Variants in PIK3CG observed in about 807,000 individuals in gnomAD.
The protein encoded by PIK3CG is phosphatidylinositol-4,5-bisphosphate 3-kinase catalytic subunit gamma.
PIK3CG carries 55 observed loss-of-function variants against 102.3 expected under a neutral mutation model. The ratio of observed to expected loss-of-function variants is 0.54; its 90% confidence interval spans 0.43 to 0.67. PIK3CG has a LOEUF of 0.67. PIK3CG is among the 30% of genes least tolerant of loss of function. PIK3CG has a pLI of 0.00. For synonymous variants in PIK3CG, 552 were observed against 540.0 expected (o/e 1.02, Z -0.31); for missense variants, 1,258 against 1,391.8 (o/e 0.90, Z 1.53).
At position 106,867,223 on chromosome 7, in the gene PIK3CG, T is replaced by C. The variant is rs528400846; in HGVS notation, c.-12-327T>C. Among the ~76,000 whole-genome samples, 6 of 152,328 alleles carry C rather than the reference T, an allele frequency of 3.9e-5. No individual in the cohort carries two copies. The East Asian group carries it at 5.8e-4, about 15-fold the overall frequency. ...GTAGAACGACCAATAAGCCCCCATA[T>C]ACCTGTCACCCATATTGAACAAGTA... On this transcript the variant is annotated intron_variant, in intron 1 of 10. Coordinates refer to ENST00000496166, the MANE Select transcript of PIK3CG (RefSeq NM_001282426.2). This position sits in a 1 kb window ranked among gnomAD's most constrained non-coding sequence, Gnocchi z 5.1.
chr7:106,882,975 T>C (rs2116542696), intron 7 of PIK3CG, 58 bp from the exon 8 acceptor site: 1 of 1,387,356 alleles, frequency 7.2e-7, no homozygotes. Flanking sequence ...TAGCCTTTCC[T>C]CCTCTGGGCC....
rs969711128 is a variant in PIK3CG at position 106,902,351 on chromosome 7, T to C, written c.3031-2758T>C. ...GCTGGAGGTGTAAAATCACCCTTTC[T>C]AGGTGTACAGTTCTGTGAATTTTGA... On this transcript the variant is annotated intron_variant, in intron 10 of 10. Transcript: ENST00000496166. This position sits in a 1 kb window ranked among gnomAD's most constrained non-coding sequence, Gnocchi z 4.3. Among the ~76,000 whole-genome samples the C allele has an allele frequency of 6.6e-6, 1 of 152,196 alleles. No individual in the cohort carries two copies. Among genetic ancestry groups the C allele is most frequent in the African/African-American group, 2.4e-5 (1 of 41,442 alleles).
At position 106,884,530 on chromosome 7, in the gene PIK3CG, A is replaced by G. The variant is rs1158749150; in HGVS notation, c.2872+264A>G. On this transcript the variant is annotated intron_variant, in intron 9 of 10. Transcript: ENST00000496166. This position sits in a 1 kb window ranked among gnomAD's most constrained non-coding sequence, Gnocchi z 4.2. ...TTTAAATGGAGTTTAAGACTGGAGC[A>G]CATATTTAGAAGTCATTGTGTAGGG... Among the ~76,000 whole-genome samples the G allele has an allele frequency of 6.6e-6, 1 of 152,134 alleles. No individual in the cohort carries two copies. The highest frequency in any genetic ancestry group is 1.5e-5 in the Non-Finnish European group (1 of 68,012).
rs6943554 is a variant in PIK3CG, at chr7:106,890,086, T to C, written c.3030+3794T>C. On this transcript the variant is annotated intron_variant, in intron 10 of 10. Transcript: ENST00000496166. The surrounding 1 kb of genome is among the most constrained non-coding windows in gnomAD (Gnocchi z 4.2). Reference sequence around the variant, plus strand: ...TATTTTAAATTTCACTGAACAGTTATAGAATATATATAATAAACAAATGTA... The same window carrying C: ...TATTTTAAATTTCACTGAACAGTTACAGAATATATATAATAAACAAATGTA... 0.081 allele frequency among the ~76,000 whole-genome samples: 12,393 copies of C among 152,350 alleles called. 581 individuals are homozygous for C. Among genetic ancestry groups the C allele is most frequent in the Middle Eastern group, 0.13 (37 of 294 alleles).
At chr7:106,898,675 G>T (rs73186298) in intron 10 of PIK3CG, among the ~76,000 whole-genome samples, 1,635 of 152,280 alleles carry the variant, frequency 0.011, 5 homozygotes, top group Middle Eastern at 0.054. Flanking sequence ...CTTTGTCAAA[G>T]ATTAGACAGT....
Position 106,895,986 on chromosome 7 carries a change from C to T in PIK3CG, c.3031-9123C>T, listed in dbSNP as rs1247880412. On this transcript the variant is annotated intron_variant, in intron 10 of 10. Coordinates refer to ENST00000496166, the MANE Select transcript of PIK3CG (RefSeq NM_001282426.2). This position sits in a 1 kb window ranked among gnomAD's most constrained non-coding sequence, Gnocchi z 5.4. ...ACCAAGTCTCTAAGTGTGTACAGCCCATCAGAATCTCGACACTGTGTTTGA... is the reference window on the plus strand; with the variant it reads ...ACCAAGTCTCTAAGTGTGTACAGCCTATCAGAATCTCGACACTGTGTTTGA... Among the ~76,000 whole-genome samples, 1 of 152,156 alleles carries T rather than the reference C, an allele frequency of 6.6e-6. No homozygotes were observed. The highest frequency in any genetic ancestry group is 1.5e-5 in the Non-Finnish European group (1 of 68,034).
rs549170953 is a variant in PIK3CG, at chr7:106,868,692, C to T, written c.1131C>T (p.Thr377=). The stretch of plus-strand genomic sequence containing the variant: ...ATATCCCCGTCCTGCCTCGGAACAC[C>T]GACCTCACAGTTTTTGTAGAGGCAA... ...GIDIPVLPRN[T]DLTVFVEANI... Residue 377 remains threonine (T), a synonymous_variant, in exon 2 of 11, where the codon ACC becomes ACT. Coordinates refer to ENST00000496166, the MANE Select transcript of PIK3CG (RefSeq NM_001282426.2). This position sits in a 1 kb window ranked among gnomAD's most constrained non-coding sequence, Gnocchi z 6.2. 17 of 1,614,204 alleles carry T rather than the reference C, an allele frequency of 1.1e-5. No individual in the cohort carries two copies. The highest frequency in any genetic ancestry group is 1.6e-4 in the Middle Eastern group (1 of 6,062).
rs1216427509 is a variant in PIK3CG, at chr7:106,874,250, C to G, written c.2288-450C>G. Among the ~76,000 whole-genome samples, 1 of 152,190 alleles carries G rather than the reference C, an allele frequency of 6.6e-6. No homozygotes were observed. Among genetic ancestry groups the G allele is most frequent in the Admixed American group, 6.5e-5 (1 of 15,278 alleles). On this transcript the variant is annotated intron_variant, in intron 4 of 10. Transcript: ENST00000496166. This position sits in a 1 kb window ranked among gnomAD's most constrained non-coding sequence, Gnocchi z 4.3. ...CCATCTTCTCTACTTCTCTACAGAA[C>G]CTAACTTCCTCTTCTGAAAAGAAAT...
rs758063602 is a variant in PIK3CG at position 106,872,941 on chromosome 7, A to G, written c.2287+3A>G. On this transcript the variant is annotated splice_donor_region_variant and intron_variant, in intron 4 of 10. Transcript: ENST00000496166. The surrounding 1 kb of genome is among the most constrained non-coding windows in gnomAD (Gnocchi z 5.3). ...AAAGTATGACGTCAGTTCCCAAGGTACGGTGGCTATATTTTCTGTGTTCTC... is the reference window on the plus strand; with the variant it reads ...AAAGTATGACGTCAGTTCCCAAGGTGCGGTGGCTATATTTTCTGTGTTCTC... 6.3e-7 allele frequency: 1 copy of G among 1,593,564 alleles called. No homozygotes were observed. The highest frequency in any genetic ancestry group is 8.6e-7 in the Non-Finnish European group (1 of 1,161,416).
rs1180200434 is a variant in PIK3CG, at chr7:106,883,347, AAC to A, written c.2760+186_2760+187del. On this transcript the variant is annotated intron_variant, in intron 8 of 10. Coordinates refer to ENST00000496166, the MANE Select transcript of PIK3CG (RefSeq NM_001282426.2). This position sits in a 1 kb window ranked among gnomAD's most constrained non-coding sequence, Gnocchi z 5.8. ...CCGTGGTGACAGCATATCTGTGTGA[AAC>A]AGAGGCACTCAGTTCAGGACTCCAT... Among the ~76,000 whole-genome samples, 3 of 152,192 alleles carry A rather than the reference AAC, an allele frequency of 2.0e-5. No individual in the cohort carries two copies. Among genetic ancestry groups the A allele is most frequent in the African/African-American group, 7.2e-5 (3 of 41,442 alleles).
At position 106,902,725 on chromosome 7, in the gene PIK3CG, A is replaced by G. The variant is rs1201435199; in HGVS notation, c.3031-2384A>G. 1.3e-5 allele frequency among the ~76,000 whole-genome samples: 2 copies of G among 151,988 alleles called. No homozygotes were observed. Among genetic ancestry groups the G allele is most frequent in the Non-Finnish European group, 2.9e-5 (2 of 67,988 alleles). ...AATTATCTCTTTCTTATTGATTTTT[A>G]AGAACTATTAGGGGGCTGGGGTTGA... On this transcript the variant is annotated intron_variant, in intron 10 of 10. Transcript: ENST00000496166. The surrounding 1 kb of genome is among the most constrained non-coding windows in gnomAD (Gnocchi z 4.3).
rs369958455 is a variant in PIK3CG at position 106,865,307 on chromosome 7, T to C, written c.-132T>C. ...GCAACACTTCCTCTGCATCTGGATATGAAGGGAGCCCCAGAAAAGCGGAAG... is the reference window on the plus strand; with the variant it reads ...GCAACACTTCCTCTGCATCTGGATACGAAGGGAGCCCCAGAAAAGCGGAAG... On this transcript the variant is annotated 5_prime_UTR_variant, in exon 1 of 11. It removes an upstream start codon present in the reference 5' UTR. Transcript: ENST00000496166. The C allele has an allele frequency of 3.3e-5, 5 of 152,346 alleles. No homozygotes were observed. Among genetic ancestry groups the C allele is most frequent in the East Asian group, 1.9e-4 (1 of 5,182 alleles). 9.4% of individuals were successfully genotyped at this position (152,346 alleles called of 1,614,324 possible).
chr7:106,875,896 C>T (rs1324086051), intron 5 of PIK3CG, among the ~76,000 whole-genome samples: 1 of 143,450 alleles, frequency 7.0e-6, no homozygotes, highest in Non-Finnish European at 1.5e-5. Flanking sequence ...TTGTTATCAT[C>T]AGTTTTTTTT....
At position 106,867,451 on chromosome 7, in the gene PIK3CG, C is replaced by T; in HGVS notation, c.-12-99C>T. 1 of 1,099,842 alleles carries T rather than the reference C, an allele frequency of 9.1e-7. No homozygotes were observed. 68.1% of individuals were successfully genotyped at this position (1,099,842 alleles called of 1,614,324 possible). On this transcript the variant is annotated intron_variant, in intron 1 of 10. Transcript: ENST00000496166. The surrounding 1 kb of genome is among the most constrained non-coding windows in gnomAD (Gnocchi z 5.1). ...CTTGGTCCCTCTGGGTCCCTGTGCA[C>T]ATGTACGCCGCCTATACCTCCTCTT...
In PIK3CG at chr7:106,892,698, CTAAGAGTG is replaced by C. The variant is rs1461101885; in HGVS notation, c.3030+6408_3030+6415del. Among the ~76,000 whole-genome samples, 4 of 152,178 alleles carry C rather than the reference CTAAGAGTG, an allele frequency of 2.6e-5. No individual in the cohort carries two copies. The highest frequency in any genetic ancestry group is 5.9e-5 in the Non-Finnish European group (4 of 68,040). On this transcript the variant is annotated intron_variant, in intron 10 of 10. Coordinates refer to ENST00000496166, the MANE Select transcript of PIK3CG (RefSeq NM_001282426.2). This position sits in a 1 kb window ranked among gnomAD's most constrained non-coding sequence, Gnocchi z 5.2. The stretch of plus-strand genomic sequence containing the variant: ...ACTTTGTGCCAAGAAATACCTTGTG[CTAAGAGTG>C]TCCACAGTGGTTTGCAGAGGGAGCA...
chr7:106,867,615 A>C lies in PIK3CG; in HGVS notation c.54A>C (p.Arg18=), dbSNP rs1790337592. 1 of 1,609,504 alleles carries C rather than the reference A, an allele frequency of 6.2e-7. No homozygotes were observed. Among genetic ancestry groups the C allele is most frequent in the Non-Finnish European group, 8.5e-7 (1 of 1,178,290 alleles). ...QPVVLREDNC[R]RRRRMKPRSA... Reference sequence around the variant, plus strand: ...TGGTGCTGAGAGAGGACAACTGCCGAAGGCGCCGGAGGATGAAGCCGCGCA... The same window carrying C: ...TGGTGCTGAGAGAGGACAACTGCCGCAGGCGCCGGAGGATGAAGCCGCGCA... The change falls in exon 2 of 11, where the codon CGA becomes CGC. Residue 18 remains arginine (R), a synonymous_variant. Coordinates refer to ENST00000496166, the MANE Select transcript of PIK3CG (RefSeq NM_001282426.2). The surrounding 1 kb of genome is among the most constrained non-coding windows in gnomAD (Gnocchi z 5.1).
rs768114937 is a variant in PIK3CG, at chr7:106,867,904, G to A, written c.343G>A (p.Val115Met). ...QWYEIYDKYQVVQTLDCLRYW... is the reference protein window; with the variant it reads ...QWYEIYDKYQMVQTLDCLRYW... ...GTACGAGATCTACGACAAGTACCAG[G>A]TGGTGCAGACTCTGGACTGCCTGCG... The change falls in exon 2 of 11, where the codon GTG becomes ATG. Residue 115 changes from valine to methionine, a missense_variant. Transcript: ENST00000496166. The surrounding 1 kb of genome is among the most constrained non-coding windows in gnomAD (Gnocchi z 5.1). The A allele has an allele frequency of 6.2e-7, 1 of 1,613,298 alleles. No individual in the cohort carries two copies. Among genetic ancestry groups the A allele is most frequent in the East Asian group, 2.2e-5 (1 of 44,872 alleles).
chr7:106,873,062 T>A lies in PIK3CG; in HGVS notation c.2287+124T>A, dbSNP rs1442289095. ...TCCTCCTGAAGGCACCAAGAACACATTTTTGAGTTTTCTGTCTGCATGGAG... is the reference window on the plus strand; with the variant it reads ...TCCTCCTGAAGGCACCAAGAACACAATTTTGAGTTTTCTGTCTGCATGGAG... On this transcript the variant is annotated intron_variant, in intron 4 of 10. Transcript: ENST00000496166. The A allele has an allele frequency of 4.4e-6, 3 of 684,674 alleles. No homozygotes were observed. The African/African-American group carries it at 5.4e-5, about 12-fold the overall frequency. 42.4% of individuals were successfully genotyped at this position (684,674 alleles called of 1,614,324 possible). A position where few individuals can be genotyped will look rare whatever the true frequency, so the allele number is the denominator to read the frequency against.
chr7:106,890,358 T>G lies in PIK3CG; in HGVS notation c.3030+4066T>G, dbSNP rs770576336. Among the ~76,000 whole-genome samples, 20 of 152,108 alleles carry G rather than the reference T, an allele frequency of 1.3e-4. No homozygotes were observed. The highest frequency in any genetic ancestry group is 2.8e-4 in the Non-Finnish European group (19 of 68,004). On this transcript the variant is annotated intron_variant, in intron 10 of 10. Coordinates refer to ENST00000496166, the MANE Select transcript of PIK3CG (RefSeq NM_001282426.2). The surrounding 1 kb of genome is among the most constrained non-coding windows in gnomAD (Gnocchi z 4.2). ...CACCACATCCAGCTAATTTTTCATA[T>G]TTTTAGTAGAGACGGGGTTTCACCG... is the stretch of plus-strand genomic sequence containing the variant.
Sources: allele counts gnomAD v4.1 joint callset (sites outside exome capture counted in the v4.1 genomes callset), GRCh38; gene constraint gnomAD v4.1.1; non-coding constraint Gnocchi (gnomAD v3.1); transcripts MANE v1.5; gene names NCBI Gene and HGNC (gene_info 2026-07-23, HGNC 2026-07-21).